GABBR2: variants seen among roughly 807,000 people sequenced by gnomAD.
GABBR2 encodes the protein G-protein coupled receptor 51.
GABBR2 carries 23 observed loss-of-function variants against 105.6 expected under a neutral mutation model. The ratio of observed to expected loss-of-function variants is 0.22; its 90% CI spans 0.16 to 0.31. The LOEUF is 0.31. Among genes scored for constraint, GABBR2 ranks in the 10% least tolerant of loss-of-function variants. The probability of loss-of-function intolerance (pLI) is 1.00; values close to 1 mark genes in which losing one functional copy is unlikely to be tolerated. For synonymous variants in GABBR2, 478 were observed against 499.7 expected (o/e 0.96, Z 0.58); for missense variants, 734 against 1,245.5 (o/e 0.59, Z 6.18).
At chr9:98,361,221 C>T (rs1047647366) in intron 13 of GABBR2, among the ~76,000 whole-genome samples, 3 of 152,158 alleles carry the variant, frequency 2.0e-5, no homozygotes, top group Non-Finnish European at 2.9e-5. Context: ...GGTATTGTCA[C>T]TAACCTGCTA....
intron 13 of GABBR2, among the ~76,000 whole-genome samples, chr9:98,327,591 G>T (rs569958712): frequency 3.9e-5 from 6 of 152,026 alleles, no homozygotes; most frequent in Admixed American, 3.3e-4. Context: ...ATATAAGGCC[G>T]GGCGCAGTGG....
At chr9:98,323,787 C>A (rs535820110) in intron 13 of GABBR2, among the ~76,000 whole-genome samples, 39 of 152,216 alleles carry the variant, frequency 2.6e-4, no homozygotes, top group Non-Finnish European at 4.4e-4. Context: ...CAGTGCACAA[C>A]CTGGTTGGCT....
rs34589145 is a variant in GABBR2 at position 98,688,394 on chromosome 9, C to CATATATATATATATATAT, written c.321+20022_321+20023insATATATATATATATATAT. On this transcript the variant is annotated intron_variant, in intron 1 of 18. Coordinates refer to ENST00000259455, the MANE Select transcript of GABBR2 (RefSeq NM_005458.8). ...TAATTTAAGAAATAATATGTGGTTTCATATATATATATATATAAAATCTCC... is the reference window on the plus strand; with the variant it reads ...TAATTTAAGAAATAATATGTGGTTTCATATATATATATATATATATATATATATATATATAAAATCTCC... Among the ~76,000 whole-genome samples the CATATATATATATATATAT allele has an allele frequency of 8.0e-4, 113 of 140,532 alleles. 1 individual carries two copies. Among genetic ancestry groups the CATATATATATATATATAT allele is most frequent in the African/African-American group, 2.2e-3 (84 of 37,786 alleles). The allele number at this position is 140,532 out of a possible 152,430, so 92.2% of individuals were successfully genotyped here.
intron 1 of GABBR2, chr9:98,607,690 A>G: frequency 5.3e-6 from 4 of 750,996 alleles, no homozygotes; most frequent in Non-Finnish European, 2.4e-6. Context: ...AAATATGTTG[A>G]TAAGAACACA....
chr9:98,703,013 G>A (rs745543938), intron 1 of GABBR2, among the ~76,000 whole-genome samples: 1 of 152,190 alleles, frequency 6.6e-6, no homozygotes, highest in African/African-American at 2.4e-5. Context: ...TTCTAGGCCT[G>A]TCCCATCAGG....
intron 6 of GABBR2, among the ~76,000 whole-genome samples, chr9:98,471,221 CA>C (rs1826667927): frequency 6.6e-6 from 1 of 152,178 alleles, no homozygotes; most frequent in South Asian, 2.1e-4. Context: ...CCTCTTGCTT[CA>C]AAGACCATGC....
chr9:98,595,812 A>G (rs192324979), intron 1 of GABBR2, among the ~76,000 whole-genome samples: 1 of 152,188 alleles, frequency 6.6e-6, no homozygotes, highest in Admixed American at 6.5e-5. Flanking sequence ...TGCGTGAGAG[A>G]AGGAGGTTGC....
intron 1 of GABBR2, among the ~76,000 whole-genome samples, chr9:98,618,486 A>ATCTCTCTCTCTCTCTCTCTC (rs10611275): frequency 1.4e-5 from 2 of 145,072 alleles, no homozygotes; most frequent in African/African-American, 2.6e-5. Context: ...GGTCTGCTGC[A>ATCTCTCTCTCTCTCTCTCTC]TCTCTCTCTC....
intron 1 of GABBR2, among the ~76,000 whole-genome samples, chr9:98,585,545 G>A (rs1413414328): frequency 4.0e-5 from 6 of 151,214 alleles, no homozygotes; most frequent in African/African-American, 7.3e-5. Flanking sequence ...AATGCTAAAT[G>A]ATGAGTTAAT....
intron 12 of GABBR2, among the ~76,000 whole-genome samples, chr9:98,366,887 GC>G (rs1174001595): frequency 1.3e-5 from 2 of 152,138 alleles, no homozygotes; most frequent in Non-Finnish European, 2.9e-5. Flanking sequence ...AAAAGCATCT[GC>G]CCCCAGAACA....
rs138196902 is a variant in GABBR2 at position 98,289,495 on chromosome 9, G to A, written c.*1089C>T. ...TCACCCCAGTGATCCCAAGGGGAGA[G>A]CTCACTGGCTTGTCTGGATGGAAGG... On this transcript the variant is annotated 3_prime_UTR_variant, in exon 19 of 19. Transcript: ENST00000259455. The A allele has an allele frequency of 6.5e-6, 1 of 152,690 alleles. No homozygotes were observed. Among genetic ancestry groups the A allele is most frequent in the African/African-American group, 2.4e-5 (1 of 41,552 alleles). The allele number at this position is 152,690 out of a possible 1,614,324, so 9.5% of individuals were successfully genotyped here. A position where few individuals can be genotyped will look rare whatever the true frequency, so the allele number is the denominator to read the frequency against.
At position 98,607,623 on chromosome 9, in the gene GABBR2, T is replaced by A. The variant is rs997680267; in HGVS notation, c.322-29551A>T. On this transcript the variant is annotated intron_variant, in intron 1 of 18. Coordinates refer to ENST00000259455, the MANE Select transcript of GABBR2 (RefSeq NM_005458.8). Reference sequence around the variant, plus strand: ...GCAAAATGATCAGAGGAAAGCAGCATCCTTGGGGTATTGCTGAAGTTGAAA... The same window carrying A: ...GCAAAATGATCAGAGGAAAGCAGCAACCTTGGGGTATTGCTGAAGTTGAAA... The A allele has an allele frequency of 1.1e-5, 8 of 718,508 alleles. No homozygotes were observed. The Admixed American group carries it at 1.5e-4, about 13-fold the overall frequency. 44.5% of individuals were successfully genotyped at this position (718,508 alleles called of 1,614,324 possible).
intron 13 of GABBR2, among the ~76,000 whole-genome samples, chr9:98,350,077 T>C (rs1831370114): frequency 2.6e-5 from 4 of 152,146 alleles, no homozygotes. Context: ...TGTATTTCTG[T>C]GGCATCAGTT....
At chr9:98,316,954 T>G (rs919836008) in intron 13 of GABBR2, among the ~76,000 whole-genome samples, 8 of 152,210 alleles carry the variant, frequency 5.3e-5, no homozygotes, top group Admixed American at 2.0e-4. Context: ...TCCTTCACCA[T>G]GAGCCTTCCC....
intron 5 of GABBR2, among the ~76,000 whole-genome samples, chr9:98,477,233 C>G (rs1826812003): frequency 6.6e-6 from 1 of 152,084 alleles, no homozygotes. Context: ...ACTTGGTCAC[C>G]TTGATTTTTG....
intron 9 of GABBR2, among the ~76,000 whole-genome samples, chr9:98,393,535 G>A (rs1268530558): frequency 6.6e-6 from 1 of 152,002 alleles, no homozygotes; most frequent in African/African-American, 2.4e-5. Flanking sequence ...AATTCATTTT[G>A]TCATTAAATA....
At chr9:98,589,826 C>A (rs1829122738) in intron 1 of GABBR2, among the ~76,000 whole-genome samples, 1 of 151,776 alleles carries the variant, frequency 6.6e-6, no homozygotes, top group African/African-American at 2.4e-5. Context: ...GTGATCCTCC[C>A]ACCTCAGCCT....
chr9:98,607,223 C>A (rs1829438629), intron 1 of GABBR2: 1 of 1,470,186 alleles, frequency 6.8e-7, no homozygotes, highest in Non-Finnish European at 9.5e-7. Context: ...GCCTTACAAT[C>A]GACTACATTG....
chr9:98,493,158 G>T (rs1312700709), intron 4 of GABBR2, among the ~76,000 whole-genome samples: 1 of 152,150 alleles, frequency 6.6e-6, no homozygotes, highest in African/African-American at 2.4e-5. Context: ...TGTTCAAATT[G>T]TTCCAGCTTT....
Sources: gnomAD v4.1 joint callset for allele counts (sites outside exome capture counted in the v4.1 genomes callset) on GRCh38, gnomAD v4.1.1 for gene constraint, MANE v1.5 for transcripts, NCBI Gene and HGNC (gene_info 2026-07-23, HGNC 2026-07-21) for gene names.